Variants in NTM observed in about 807,000 individuals in gnomAD.
NTM encodes the protein neurotrimin, also known as IgLON family member 2.
A neutral mutation model predicts 42.1 loss-of-function variants in NTM; 13 were observed. The ratio of observed to expected loss-of-function variants is 0.31; its 90% CI spans 0.20 to 0.49. The LOEUF (loss-of-function observed/expected upper bound fraction) is 0.49, where lower values mean the gene tolerates loss of function less well. NTM is among the 20% of genes least tolerant of loss of function. NTM has a pLI of 0.99. For missense variants in NTM, 373 were observed against 452.8 expected (o/e 0.82, Z 1.60); for synonymous variants, 187 against 179.2 (o/e 1.04, Z -0.35).
chr11:132,121,402 C>A (rs1367857792), intron 2 of NTM, among the ~76,000 whole-genome samples: 1 of 152,014 alleles, frequency 6.6e-6, no homozygotes, highest in Non-Finnish European at 1.5e-5. Flanking sequence ...AAATATGAAT[C>A]TCGTATAAGA....
Position 132,335,108 on chromosome 11 carries a change from C to T in NTM, c.1030C>T (p.Leu344=), listed in dbSNP as rs745748749. Residue 344 remains leucine, a synonymous_variant, in exon 9 of 9, where the codon CTG becomes TTG. Coordinates refer to ENST00000683400, the MANE Select transcript of NTM (RefSeq NM_001352005.2). ...TSRRAGCVWL[L]PLLVLHLLLK... is the part of the protein sequence containing the mutation. ...GAGGAGGGCAGGCTGCGTCTGGCTG[C>T]TGCCTCTTCTGGTCTTGCACCTGCT... 1 of 1,612,728 alleles carries T rather than the reference C, an allele frequency of 6.2e-7. No homozygotes were observed. Among genetic ancestry groups the T allele is most frequent in the Admixed American group, 1.7e-5 (1 of 60,012 alleles).
intron 1 of NTM, among the ~76,000 whole-genome samples, chr11:131,763,699 A>ATC (rs1555116552): frequency 8.8e-4 from 65 of 74,002 alleles, no homozygotes; most frequent in African/African-American, 2.3e-3. Context: ...CCACAGGCCC[A>ATC]TCTCTCTCTC....
At chr11:131,738,138 C>T (rs1407984206) in intron 1 of NTM, among the ~76,000 whole-genome samples, 3 of 152,136 alleles carry the variant, frequency 2.0e-5, no homozygotes, top group African/African-American at 7.2e-5. Flanking sequence ...GGATGGATGG[C>T]CGGGGCCAGC....
At chr11:131,449,932 T>C (rs1370712905) in intron 1 of NTM, among the ~76,000 whole-genome samples, 2 of 152,158 alleles carry the variant, frequency 1.3e-5, no homozygotes, top group South Asian at 2.1e-4. Flanking sequence ...TTCCAGGCAA[T>C]GTCCCCATGT....
At chr11:132,205,349 G>A (rs7108191) in intron 3 of NTM, among the ~76,000 whole-genome samples, 18,556 of 152,234 alleles carry the variant, frequency 0.12, 1,324 homozygotes, top group East Asian at 0.25. Context: ...ACAGCAAATT[G>A]CTATTTATTA....
At chr11:131,640,022 A>G (rs1565363150) in intron 1 of NTM, among the ~76,000 whole-genome samples, 1 of 152,048 alleles carries the variant, frequency 6.6e-6, no homozygotes, top group Non-Finnish European at 1.5e-5. Flanking sequence ...GAATGGCCCA[A>G]TTTCTCTTCT....
chr11:131,663,736 C>CT (rs553607434), intron 1 of NTM, among the ~76,000 whole-genome samples: 14 of 151,934 alleles, frequency 9.2e-5, no homozygotes, highest in Non-Finnish European at 2.9e-5. Flanking sequence ...TTTTTGTTAC[C>CT]TTTTTTTTCT....
chr11:132,238,996 A>G (rs559761568), intron 4 of NTM, among the ~76,000 whole-genome samples: 2 of 152,296 alleles, frequency 1.3e-5, no homozygotes, highest in African/African-American at 2.4e-5. Flanking sequence ...AGGTGGGCAA[A>G]CAGAAATGAA....
intron 1 of NTM, chr11:131,878,011 C>CT (rs2048789356): frequency 6.6e-6 from 1 of 152,184 alleles, no homozygotes; most frequent in Non-Finnish European, 1.5e-5. Flanking sequence ...AGATGAATTC[C>CT]TTTGGTCCTT....
At chr11:131,966,597 G>C (rs982677219) in intron 2 of NTM, among the ~76,000 whole-genome samples, 5 of 152,158 alleles carry the variant, frequency 3.3e-5, no homozygotes, top group African/African-American at 1.2e-4. Flanking sequence ...AGGCAGAAGG[G>C]ACAGGCTATG....
intron 7 of NTM, 142 bp downstream of exon 7, chr11:132,314,845 C>G (rs2095382491): frequency 1.4e-6 from 2 of 1,388,788 alleles, no homozygotes; most frequent in Admixed American, 3.2e-5. Flanking sequence ...AAGAGAGAGA[C>G]ACAGAAAGAA....
chr11:132,079,554 C>G (rs1040810834), intron 2 of NTM, among the ~76,000 whole-genome samples: 6 of 152,178 alleles, frequency 3.9e-5, no homozygotes, highest in Non-Finnish European at 7.3e-5. Context: ...TTATTGGTAA[C>G]TTGGAGTTTT....
intron 1 of NTM, among the ~76,000 whole-genome samples, chr11:131,490,988 T>C (rs7127337): frequency 0.059 from 8,915 of 152,212 alleles, 847 homozygotes; most frequent in African/African-American, 0.2. Context: ...CACAAGTGTC[T>C]CCCAGAAGTC....
intron 1 of NTM, among the ~76,000 whole-genome samples, chr11:131,840,070 G>C (rs1056159982): frequency 6.6e-6 from 1 of 152,112 alleles, no homozygotes; most frequent in Non-Finnish European, 1.5e-5. Context: ...TAAGGACATC[G>C]CACTTGGTGT....
Position 132,146,485 on chromosome 11 carries a change from A to G in NTM, c.371A>G (p.Lys124Arg). The G allele has an allele frequency of 6.2e-7, 1 of 1,614,166 alleles. No individual in the cohort carries two copies. Among genetic ancestry groups the G allele is most frequent in the Non-Finnish European group, 8.5e-7 (1 of 1,180,012 alleles). ...TCSVQTDNHPKTSRVHLIVQV... is the reference protein window; with the variant it reads ...TCSVQTDNHPRTSRVHLIVQV... ...TCGGTGCAGACAGACAACCACCCAA[A>G]GACCTCTAGGGTCCACCTCATTGTG... Residue 124 changes from lysine to arginine, a missense_variant, in exon 3 of 9, where the codon AAG becomes AGG. Transcript: ENST00000683400. The surrounding 1 kb of genome is among the most constrained non-coding windows in gnomAD (Gnocchi z 4.5).
At chr11:132,308,527 C>A (rs75470794) in intron 5 of NTM, among the ~76,000 whole-genome samples, 7,796 of 152,076 alleles carry the variant, frequency 0.051, 677 homozygotes, top group African/African-American at 0.18. Flanking sequence ...ATGTACCTTG[C>A]CTTAGCTCCC....
chr11:131,402,207 CAT>C (rs1945317521), intron 1 of NTM, among the ~76,000 whole-genome samples: 1 of 151,912 alleles, frequency 6.6e-6, no homozygotes, highest in African/African-American at 2.4e-5. Flanking sequence ...ATGAAAATCA[CAT>C]GTCATGTCAT....
intron 1 of NTM, chr11:131,796,348 G>A (rs542195788): frequency 1.2e-5 from 2 of 172,728 alleles, no homozygotes; most frequent in African/African-American, 4.8e-5. Context: ...GCTGGGAGTT[G>A]GGCCTCTGCA....
At chr11:132,097,670 A>G (rs1296636827) in intron 2 of NTM, among the ~76,000 whole-genome samples, 2 of 152,234 alleles carry the variant, frequency 1.3e-5, no homozygotes, top group Non-Finnish European at 2.9e-5. Flanking sequence ...AAAGCTTTCT[A>G]TTTGAGAATG....
Sources: allele counts gnomAD v4.1 joint callset (sites outside exome capture counted in the v4.1 genomes callset), GRCh38; gene constraint gnomAD v4.1.1; non-coding constraint Gnocchi (gnomAD v3.1); transcripts MANE v1.5; gene names NCBI Gene and HGNC (gene_info 2026-07-23, HGNC 2026-07-21).